STMN4: variants seen among roughly 807,000 people sequenced by gnomAD.
STMN4 encodes stathmin-4.
In STMN4, 12 loss-of-function variants were observed where a neutral mutation model predicts 29.1. The observed-to-expected ratio is 0.41, with a 90% CI of 0.26 to 0.67. STMN4 has a LOEUF of 0.67. Ranked by LOEUF, STMN4 falls within the 30% of genes least tolerant of loss-of-function variation. The pLI, the probability that STMN4 is intolerant of heterozygous loss-of-function variation, is 0.30. For missense variants in STMN4, 181 were observed against 262.8 expected (o/e 0.69, Z 2.15); for synonymous variants, 114 against 105.3 (o/e 1.08, Z -0.51).
chr8:27,254,973 T>A (rs1397948316), intron 1 of STMN4, among the ~76,000 whole-genome samples: 1 of 151,938 alleles, frequency 6.6e-6, no homozygotes, highest in Non-Finnish European at 1.5e-5. Context: ...ATGTGGGGGT[T>A]CATGTGTGTG....
At chr8:27,239,615 A>G (rs779597613) in intron 6 of STMN4, 42 of 1,185,130 alleles carry the variant, frequency 3.5e-5, no homozygotes, top group Non-Finnish European at 4.7e-5. Flanking sequence ...CCATCAAATC[A>G]ATCCATTCAG....
At chr8:27,252,586 T>C (rs1801822157) in intron 1 of STMN4, among the ~76,000 whole-genome samples, 1 of 152,208 alleles carries the variant, frequency 6.6e-6, no homozygotes, top group Admixed American at 6.5e-5. Context: ...CCACCGTGCC[T>C]GGCCAGGGCA....
chr8:27,251,006 T>C (rs910606861), intron 1 of STMN4, among the ~76,000 whole-genome samples: 3 of 152,032 alleles, frequency 2.0e-5, no homozygotes, highest in Admixed American at 6.6e-5. Flanking sequence ...CCCAACACTT[T>C]GGGAGGCTGA....
chr8:27,239,958 A>G lies in STMN4; in HGVS notation c.591+13T>C, dbSNP rs759073514. 1 of 1,614,236 alleles carries G rather than the reference A, an allele frequency of 6.2e-7. No individual in the cohort carries two copies. Among genetic ancestry groups the G allele is most frequent in the South Asian group, 1.1e-5 (1 of 91,082 alleles). On this transcript the variant is annotated intron_variant, in intron 6 of 6. Transcript: ENST00000350889. ...TGTCCCAGGAAACTCCTCTCTAGCC[A>G]GGGACCCCTCACCTTCTCTTGCAGC...
intron 2 of STMN4, 25 bp from the exon 3 acceptor site, chr8:27,242,517 G>C: frequency 6.2e-7 from 1 of 1,610,898 alleles, no homozygotes; most frequent in South Asian, 1.1e-5. Context: ...AGTCAGGTGA[G>C]GATGGCGCCT....
intron 3 of STMN4, 23 bp downstream of exon 3, chr8:27,242,374 T>C (rs372967093): frequency 2.0e-4 from 316 of 1,613,578 alleles, no homozygotes; most frequent in Non-Finnish European, 2.6e-4. Context: ...GCCCCTCACT[T>C]TCCTGGCTGA....
chr8:27,252,363 A>G (rs1000107120), intron 1 of STMN4, among the ~76,000 whole-genome samples: 10 of 152,202 alleles, frequency 6.6e-5, no homozygotes, highest in Non-Finnish European at 1.2e-4. Context: ...ATTTCCAGTT[A>G]TAGATCCCTG....
intron 3 of STMN4, chr8:27,241,999 A>G: frequency 1.7e-6 from 1 of 587,724 alleles, no homozygotes. Context: ...CTCCCAGAGC[A>G]TTCTCTACCC....
intron 1 of STMN4, among the ~76,000 whole-genome samples, chr8:27,257,262 C>A (rs73681506): frequency 6.6e-6 from 1 of 152,242 alleles, no homozygotes; most frequent in African/African-American, 2.4e-5. Flanking sequence ...CCCTGGGAGG[C>A]GGGGGCTCAG....
At chr8:27,239,906 C>A in intron 6 of STMN4, 65 bp downstream of exon 6, 1 of 1,612,684 alleles carries the variant, frequency 6.2e-7, no homozygotes, top group East Asian at 2.2e-5. Flanking sequence ...CAGGTCCCCG[C>A]ATACTTGCTG....
chr8:27,253,805 C>T (rs534154968), intron 1 of STMN4, among the ~76,000 whole-genome samples: 4 of 148,472 alleles, frequency 2.7e-5, no homozygotes, highest in South Asian at 2.1e-4. Context: ...TTTTTTAAGA[C>T]GGAGTCTTGC....
At chr8:27,241,861 C>T in intron 3 of STMN4, 104 bp from the exon 4 acceptor site, 1 of 1,395,000 alleles carries the variant, frequency 7.2e-7, no homozygotes, top group South Asian at 1.2e-5. Context: ...AGGAGGTGAC[C>T]TGGTCCCCGA....
chr8:27,252,338 G>A (rs6999309), intron 1 of STMN4, among the ~76,000 whole-genome samples: 121,253 of 152,140 alleles, frequency 0.8, 50,167 homozygotes, highest in East Asian at 0.97. Context: ...TAATGGGATG[G>A]CTGGGTCAAA....
At chr8:27,248,250 A>G (rs1801685668) in intron 1 of STMN4, among the ~76,000 whole-genome samples, 1 of 152,122 alleles carries the variant, frequency 6.6e-6, no homozygotes, top group African/African-American at 2.4e-5. Flanking sequence ...TTTAGTATAT[A>G]ATTCTGTGCC....
intron 1 of STMN4, among the ~76,000 whole-genome samples, chr8:27,244,942 G>A (rs1328988168): frequency 1.3e-5 from 2 of 152,154 alleles, no homozygotes; most frequent in South Asian, 2.1e-4. Context: ...GGAGGGTGGC[G>A]AGAGCCAGCA....
chr8:27,256,518 A>G (rs1434645848), intron 1 of STMN4, among the ~76,000 whole-genome samples: 1 of 152,194 alleles, frequency 6.6e-6, no homozygotes, highest in Non-Finnish European at 1.5e-5. Flanking sequence ...TACATTTTAT[A>G]TTATGATCCA....
At chr8:27,243,579 T>G in intron 2 of STMN4, 132 bp downstream of exon 2, 5 of 937,988 alleles carry the variant, frequency 5.3e-6, no homozygotes, top group Non-Finnish European at 5.2e-6. Context: ...AAGCCTCCCA[T>G]CACTACCTGC....
intron 6 of STMN4, 197 bp downstream of exon 6, chr8:27,239,774 G>A: frequency 3.3e-6 from 5 of 1,522,046 alleles, no homozygotes; most frequent in Non-Finnish European, 4.4e-6. Context: ...AGGAAACCCT[G>A]AGTCTGGTTC....
chr8:27,253,697 A>G (rs958706050), intron 1 of STMN4, among the ~76,000 whole-genome samples: 2 of 146,922 alleles, frequency 1.4e-5, no homozygotes, highest in African/African-American at 2.4e-5. Flanking sequence ...CATCATTGAT[A>G]CCATTTTTTT....
Sources: gnomAD v4.1 joint callset for allele counts (sites outside exome capture counted in the v4.1 genomes callset) on GRCh38, gnomAD v4.1.1 for gene constraint, MANE v1.5 for transcripts, NCBI Gene and HGNC (gene_info 2026-07-23, HGNC 2026-07-21) for gene names.